The following KCNIP4 variants were observed in gnomAD, a reference collection of about 807,000 sequenced individuals.
KCNIP4 encodes Kv channel-interacting protein 4.
In KCNIP4, 12 loss-of-function variants were observed where a neutral mutation model predicts 34.0. That is an observed-to-expected ratio of 0.35 (90% confidence interval 0.23 to 0.57). The LOEUF (loss-of-function observed/expected upper bound fraction) is 0.57, where lower values mean the gene tolerates loss of function less well. KCNIP4 is among the 20% of genes least tolerant of loss of function. The probability of loss-of-function intolerance (pLI) is 0.83; values close to 1 mark genes in which losing one functional copy is unlikely to be tolerated. For missense variants in KCNIP4, 238 were observed against 311.7 expected (o/e 0.76, Z 1.78); for synonymous variants, 124 against 102.2 (o/e 1.21, Z -1.29).
Position 21,678,305 on chromosome 4 carries a change from A to ATTTTTTTT in KCNIP4, c.61+270258_61+270265dup, listed in dbSNP as rs59561334. Among the ~76,000 whole-genome samples the ATTTTTTTT allele has an allele frequency of 1.9e-3, 226 of 117,544 alleles. 3 individuals are homozygous for ATTTTTTTT. The highest frequency in any genetic ancestry group is 2.7e-3 in the Non-Finnish European group (157 of 59,206). The allele number at this position is 117,544 out of a possible 152,430, so 77.1% of individuals were successfully genotyped here. On this transcript the variant is annotated intron_variant, in intron 1 of 8. Coordinates refer to ENST00000382152, the MANE Select transcript of KCNIP4 (RefSeq NM_025221.6). ...CCAAGTGTCATAAAATCTTCTTTTG[A>ATTTTTTTT]TTTTTTTTTTTTTTTTTTGGTTTCC...
intron 1 of KCNIP4, among the ~76,000 whole-genome samples, chr4:21,381,990 AC>A (rs1163860380): frequency 6.6e-6 from 1 of 152,334 alleles, no homozygotes; most frequent in African/African-American, 2.4e-5. Flanking sequence ...GACAGGAGCT[AC>A]AGGAGCCTAA....
chr4:21,128,532 T>C (rs1750803199), intron 1 of KCNIP4, among the ~76,000 whole-genome samples: 1 of 152,164 alleles, frequency 6.6e-6, no homozygotes, highest in Admixed American at 6.5e-5. Context: ...CCATAAGAGA[T>C]TATAAGGCAC....
At chr4:21,940,973 T>C (rs1730171877) in intron 1 of KCNIP4, among the ~76,000 whole-genome samples, 1 of 151,826 alleles carries the variant, frequency 6.6e-6, no homozygotes, top group Non-Finnish European at 1.5e-5. Flanking sequence ...TAAGACACTT[T>C]TATTCATGGA....
At chr4:20,842,417 C>T (rs1016989538) in intron 3 of KCNIP4, among the ~76,000 whole-genome samples, 8 of 151,752 alleles carry the variant, frequency 5.3e-5, no homozygotes, top group African/African-American at 9.7e-5. Context: ...AGGGGTGAGA[C>T]GCGAAAAGTC....
intron 1 of KCNIP4, among the ~76,000 whole-genome samples, chr4:21,812,966 C>T (rs1386433330): frequency 6.6e-6 from 1 of 152,138 alleles, no homozygotes; most frequent in African/African-American, 2.4e-5. Flanking sequence ...TACCTACGTC[C>T]AGTCTTGTGT....
chr4:21,447,728 T>A (rs1478586699), intron 1 of KCNIP4, among the ~76,000 whole-genome samples: 1 of 152,160 alleles, frequency 6.6e-6, no homozygotes, highest in East Asian at 1.9e-4. Flanking sequence ...TCACTCTCTG[T>A]CTTTCTCAAA....
At chr4:21,045,508 T>G (rs1391174083) in intron 1 of KCNIP4, among the ~76,000 whole-genome samples, 1 of 152,208 alleles carries the variant, frequency 6.6e-6, no homozygotes, top group Non-Finnish European at 1.5e-5. Context: ...CAAGCCTTAT[T>G]CCCAAGCAAA....
chr4:21,866,115 G>A (rs956609736), intron 1 of KCNIP4, among the ~76,000 whole-genome samples: 1 of 152,132 alleles, frequency 6.6e-6, no homozygotes, highest in Non-Finnish European at 1.5e-5. Context: ...AGCTTGCAGA[G>A]TTGCATTCCT....
At chr4:21,928,477 A>ATC (rs1489029929) in intron 1 of KCNIP4, among the ~76,000 whole-genome samples, 1 of 152,178 alleles carries the variant, frequency 6.6e-6, no homozygotes, top group Admixed American at 6.6e-5. Context: ...ACAGATTTAA[A>ATC]TCACAAAATA....
intron 1 of KCNIP4, among the ~76,000 whole-genome samples, chr4:21,875,595 C>A (rs980388879): frequency 3.3e-5 from 5 of 152,060 alleles, no homozygotes; most frequent in Admixed American, 3.3e-4. Context: ...GTATTATAAT[C>A]AATTAAGTTG....
At chr4:21,929,990 T>G (rs1385899982) in intron 1 of KCNIP4, among the ~76,000 whole-genome samples, 1 of 152,128 alleles carries the variant, frequency 6.6e-6, no homozygotes, top group African/African-American at 2.4e-5. Context: ...TAGTACATTC[T>G]AAGCTCTATT....
At chr4:21,144,526 C>CA (rs1429910904) in intron 1 of KCNIP4, among the ~76,000 whole-genome samples, 1 of 152,040 alleles carries the variant, frequency 6.6e-6, no homozygotes, top group African/African-American at 2.4e-5. Context: ...ATAAAGAAAC[C>CA]AAAACTCAGG....
rs200900508 is a variant in KCNIP4, at chr4:21,322,152, AGAAGGAAG to A, written c.62-439451_62-439444del. ...AGGAAGGAAGGAGGGAGGGAGGGACAGAAGGAAGGAAGGAAGGAAGGAAGGAAGGAAGG... is the reference window on the plus strand; with the variant it reads ...AGGAAGGAAGGAGGGAGGGAGGGACAGAAGGAAGGAAGGAAGGAAGGAAGG... On this transcript the variant is annotated intron_variant, in intron 1 of 8. Coordinates refer to ENST00000382152, the MANE Select transcript of KCNIP4 (RefSeq NM_025221.6). Among the ~76,000 whole-genome samples the A allele has an allele frequency of 5.5e-3, 757 of 136,812 alleles. 4 individuals are homozygous for A. Among genetic ancestry groups the A allele is most frequent in the African/African-American group, 8.9e-3 (322 of 36,236 alleles). The allele number at this position is 136,812 out of a possible 152,430, so 89.8% of individuals were successfully genotyped here. A position where few individuals can be genotyped will look rare whatever the true frequency, so the allele number is the denominator to read the frequency against.
chr4:20,786,558 A>G (rs1229185193), intron 3 of KCNIP4, among the ~76,000 whole-genome samples: 2 of 152,158 alleles, frequency 1.3e-5, no homozygotes, highest in African/African-American at 4.8e-5. Flanking sequence ...GTAGTTAGCA[A>G]TAGATGGAAA....
intron 1 of KCNIP4, among the ~76,000 whole-genome samples, chr4:21,096,894 A>G (rs1431984936): frequency 6.6e-6 from 1 of 152,154 alleles, no homozygotes; most frequent in East Asian, 1.9e-4. Context: ...GAAGGATGCT[A>G]TGTCTCCGTA....
intron 1 of KCNIP4, among the ~76,000 whole-genome samples, chr4:20,889,274 G>T (rs560912315): frequency 6.6e-6 from 1 of 152,226 alleles, no homozygotes; most frequent in South Asian, 2.1e-4. Context: ...ATTATAAGAA[G>T]CAGGGAAAAT....
chr4:21,946,606 C>G lies in KCNIP4; in HGVS notation c.61+1965G>C, dbSNP rs189357739. 5.8e-4 allele frequency among the ~76,000 whole-genome samples: 88 copies of G among 152,286 alleles called. 1 individual carries two copies. The highest frequency in any genetic ancestry group is 4.8e-3 in the Admixed American group (74 of 15,292). On this transcript the variant is annotated intron_variant, in intron 1 of 8. Coordinates refer to ENST00000382152, the MANE Select transcript of KCNIP4 (RefSeq NM_025221.6). ...TAGTATTACATATTTGGGGATCATTCTCTAATATTAGCTTTGAAGCAATAT... is the reference window on the plus strand; with the variant it reads ...TAGTATTACATATTTGGGGATCATTGTCTAATATTAGCTTTGAAGCAATAT...
intron 1 of KCNIP4, among the ~76,000 whole-genome samples, chr4:21,883,339 G>A (rs968299367): frequency 2.0e-5 from 3 of 151,726 alleles, no homozygotes; most frequent in African/African-American, 4.8e-5. Flanking sequence ...TTTTAGAAAC[G>A]AGCGCTTACT....
intron 3 of KCNIP4, among the ~76,000 whole-genome samples, chr4:20,822,037 A>G (rs1487664473): frequency 6.6e-6 from 1 of 152,082 alleles, no homozygotes; most frequent in Admixed American, 6.5e-5. Context: ...CCCCAAATCA[A>G]ATGCAACAAA....
Sources: gnomAD v4.1 joint callset for allele counts (sites outside exome capture counted in the v4.1 genomes callset) on GRCh38, gnomAD v4.1.1 for gene constraint, MANE v1.5 for transcripts, NCBI Gene and HGNC (gene_info 2026-07-23, HGNC 2026-07-21) for gene names.